Variants in VTI1A observed in about 807,000 individuals in gnomAD.
The protein encoded by VTI1A is vesicle transport through interaction with t-SNAREs homolog 1A.
Under a neutral mutation model 34.9 loss-of-function variants are expected in VTI1A, and 22 were observed. The ratio of observed to expected loss-of-function variants is 0.63; its 90% CI spans 0.45 to 0.90. VTI1A has a LOEUF of 0.90. Ranked by LOEUF, VTI1A falls within the 40% of genes least tolerant of loss-of-function variation. The probability of loss-of-function intolerance (pLI) is 0.00; values close to 1 mark genes in which losing one functional copy is unlikely to be tolerated. For missense variants in VTI1A, 268 were observed against 275.6 expected (o/e 0.97, Z 0.20); for synonymous variants, 87 against 97.3 (o/e 0.89, Z 0.62).
intron 7 of VTI1A, among the ~76,000 whole-genome samples, chr10:112,703,943 T>C (rs1324711442): frequency 6.6e-6 from 1 of 152,242 alleles, no homozygotes; most frequent in Non-Finnish European, 1.5e-5. Context: ...CAAGCTTAGC[T>C]TTATATTAAT....
the VTI1A span, among the ~76,000 whole-genome samples, chr10:112,839,277 C>A: frequency 4.2e-3 from 639 of 152,258 alleles, 4 homozygotes; most frequent in African/African-American, 0.015. Context: ...AATCGTGAGC[C>A]CTTGTCATTT....
intron 7 of VTI1A, among the ~76,000 whole-genome samples, chr10:112,725,464 A>C (rs940535098): frequency 6.6e-6 from 1 of 152,200 alleles, no homozygotes; most frequent in African/African-American, 2.4e-5. Context: ...ATTTATTGAG[A>C]TCAAGATTGA....
At chr10:112,670,801 G>A (rs1847820013) in intron 7 of VTI1A, among the ~76,000 whole-genome samples, 2 of 152,154 alleles carry the variant, frequency 1.3e-5, no homozygotes, top group Admixed American at 1.3e-4. Context: ...CTTTTGGGAT[G>A]TGTCTAGAGT....
chr10:112,827,551 G>A, the VTI1A span: 1 of 151,666 alleles, frequency 6.6e-6, no homozygotes, highest in Admixed American at 6.6e-5. Context: ...ATATTCACAG[G>A]GTTATTGTTT....
At chr10:112,672,280 A>C (rs966288561) in intron 7 of VTI1A, among the ~76,000 whole-genome samples, 1 of 152,244 alleles carries the variant, frequency 6.6e-6, no homozygotes, top group African/African-American at 2.4e-5. Context: ...TTAGTGAGAC[A>C]GCAACTGCTT....
chr10:112,498,484 G>A (rs1435049882), intron 3 of VTI1A, among the ~76,000 whole-genome samples: 2 of 151,612 alleles, frequency 1.3e-5, no homozygotes, highest in African/African-American at 2.4e-5. Flanking sequence ...GAGCTCAATG[G>A]GATTTCCTTA....
chr10:112,475,330 A>G (rs1192195537), intron 3 of VTI1A, among the ~76,000 whole-genome samples: 2 of 152,260 alleles, frequency 1.3e-5, no homozygotes, highest in Non-Finnish European at 2.9e-5. Context: ...TGATACAGAT[A>G]TGTGTGTGCA....
intron 5 of VTI1A, among the ~76,000 whole-genome samples, chr10:112,592,767 T>C (rs1844441364): frequency 6.6e-6 from 1 of 152,222 alleles, no homozygotes; most frequent in Non-Finnish European, 1.5e-5. Flanking sequence ...ATTATGAGGA[T>C]ATATGGCAAA....
chr10:112,550,862 A>G (rs1376484508), intron 5 of VTI1A, among the ~76,000 whole-genome samples: 1 of 152,164 alleles, frequency 6.6e-6, no homozygotes, highest in Non-Finnish European at 1.5e-5. Flanking sequence ...TAGTAGTCCT[A>G]CCATTACCCT....
chr10:112,496,003 G>A lies in VTI1A; in HGVS notation c.265-31084G>A, dbSNP rs906740568. Among the ~76,000 whole-genome samples the A allele has an allele frequency of 4.6e-5, 7 of 152,294 alleles. No homozygotes were observed. In the South Asian group the frequency reaches 8.3e-4, roughly 18 times the overall value. Reference sequence around the variant, plus strand: ...TTAGATTGTCAGCATGATGGTCACCGTTAACCTTGACAAGAACCTGTAGGT... The same window carrying A: ...TTAGATTGTCAGCATGATGGTCACCATTAACCTTGACAAGAACCTGTAGGT... On this transcript the variant is annotated intron_variant, in intron 3 of 7. Transcript: ENST00000393077.
intron 5 of VTI1A, among the ~76,000 whole-genome samples, chr10:112,596,019 G>A (rs1844623745): frequency 6.6e-6 from 1 of 151,964 alleles, no homozygotes; most frequent in Non-Finnish European, 1.5e-5. Flanking sequence ...GTAGGGACAT[G>A]GATGAAATTG....
At chr10:112,500,263 C>T (rs754565767) in intron 3 of VTI1A, among the ~76,000 whole-genome samples, 3 of 151,836 alleles carry the variant, frequency 2.0e-5, no homozygotes, top group African/African-American at 7.3e-5. Context: ...GGTGAGATCC[C>T]GTCTCTACTA....
intron 4 of VTI1A, 88 bp downstream of exon 4, chr10:112,527,252 G>A (rs1180303247): frequency 1.8e-6 from 2 of 1,125,120 alleles, no homozygotes; most frequent in Admixed American, 1.9e-5. Flanking sequence ...CTCCTTAACG[G>A]TATTAGCAGC....
intron 3 of VTI1A, among the ~76,000 whole-genome samples, chr10:112,472,476 A>G (rs1275865301): frequency 6.6e-6 from 1 of 151,774 alleles, no homozygotes; most frequent in East Asian, 1.9e-4. Context: ...CTCTCTTTTC[A>G]TAGGTGAATG....
chr10:112,842,047 TTTCC>T, the VTI1A span, among the ~76,000 whole-genome samples: 244 of 135,644 alleles, frequency 1.8e-3, 3 homozygotes, highest in African/African-American at 6.9e-3. Context: ...CTTTTTTTTT[TTTCC>T]TTTTTTTTTT....
intron 3 of VTI1A, among the ~76,000 whole-genome samples, chr10:112,520,407 A>T (rs1187561214): frequency 6.6e-6 from 1 of 152,044 alleles, no homozygotes; most frequent in African/African-American, 2.4e-5. Context: ...TGAAACATTC[A>T]TGCTAAATTT....
intron 5 of VTI1A, among the ~76,000 whole-genome samples, chr10:112,646,238 CA>C (rs1564864435): frequency 6.6e-6 from 1 of 151,518 alleles, no homozygotes; most frequent in African/African-American, 2.4e-5. Flanking sequence ...TGAAAAAAAC[CA>C]AAACAAAAAC....
At chr10:112,678,096 A>G (rs1438204190) in intron 7 of VTI1A, among the ~76,000 whole-genome samples, 1 of 152,242 alleles carries the variant, frequency 6.6e-6, no homozygotes, top group Non-Finnish European at 1.5e-5. Flanking sequence ...AAGATAAAAT[A>G]TGTAACTTCC....
chr10:112,668,360 A>G lies in VTI1A; in HGVS notation c.498+72A>G. 2.7e-6 allele frequency: 4 copies of G among 1,471,998 alleles called. No homozygotes were observed. The South Asian group carries it at 4.8e-5, about 17-fold the overall frequency. 91.2% of individuals were successfully genotyped at this position (1,471,998 alleles called of 1,614,324 possible). A position where few individuals can be genotyped will look rare whatever the true frequency, so the allele number is the denominator to read the frequency against. ...CATAAATGAAAGGCATTGGGACATA[A>G]ACAATAGCAATTAGGTAGATATATG... is the stretch of plus-strand genomic sequence containing the variant. On this transcript the variant is annotated intron_variant, in intron 6 of 7. Transcript: ENST00000393077.
Sources: gnomAD v4.1 joint callset for allele counts (sites outside exome capture counted in the v4.1 genomes callset) on GRCh38, gnomAD v4.1.1 for gene constraint, MANE v1.5 for transcripts, NCBI Gene and HGNC (gene_info 2026-07-23, HGNC 2026-07-21) for gene names.